The following PPFIBP1 variants were observed in gnomAD, a reference collection of about 807,000 sequenced individuals.
PPFIBP1 encodes PPFIB scaffold protein 1, also known as liprin-beta-1.
Under a neutral mutation model 137.8 loss-of-function variants are expected in PPFIBP1, and 112 were observed. The ratio of observed to expected loss-of-function variants is 0.81; its 90% confidence interval spans 0.70 to 0.95. The LOEUF is 0.95. Ranked by LOEUF, PPFIBP1 falls within the 40% of genes least tolerant of loss-of-function variation. PPFIBP1 has a pLI of 0.00. For synonymous variants in PPFIBP1, 378 were observed against 417.3 expected (o/e 0.91, Z 1.15); for missense variants, 1,083 against 1,196.6 (o/e 0.91, Z 1.40).
intron 2 of PPFIBP1, among the ~76,000 whole-genome samples, chr12:27,602,015 T>C (rs1464783414): frequency 3.3e-5 from 5 of 152,212 alleles, no homozygotes; most frequent in Non-Finnish European, 2.9e-5. Flanking sequence ...ACCTTATTAG[T>C]CAGGTGAACA....
chr12:27,687,474 A>T lies in PPFIBP1; in HGVS notation c.2337A>T (p.Glu779Asp). 6.2e-7 allele frequency: 1 copy of T among 1,613,962 alleles called. No individual in the cohort carries two copies. The highest frequency in any genetic ancestry group is 8.5e-7 in the Non-Finnish European group (1 of 1,179,874). ...AGGTCCTGAGGATCAATAACTTTGAACCAAACTGTCTACGGAGGCGGCCAT... is the reference window on the plus strand; with the variant it reads ...AGGTCCTGAGGATCAATAACTTTGATCCAAACTGTCTACGGAGGCGGCCAT... Reference protein sequence around the residue: ...AIQVLRINNFEPNCLRRRPSD... With the variant: ...AIQVLRINNFDPNCLRRRPSD... Residue 779 changes from glutamate to aspartate, a missense_variant, in exon 25 of 30, where the codon GAA (glutamate) becomes GAT (aspartate). Glu to Asp is a conservative substitution (Grantham distance 45). Coordinates refer to ENST00000228425, the MANE Select transcript of PPFIBP1 (RefSeq NM_003622.4).
chr12:27,612,342 T>TTTTC, intron 2 of PPFIBP1, among the ~76,000 whole-genome samples: 1 of 144,242 alleles, frequency 6.9e-6, no homozygotes, highest in African/African-American at 2.5e-5. Context: ...TTTTTTTTTT[T>TTTTC]TTTTTTTTTG....
chr12:27,616,427 C>A (rs760832877), intron 2 of PPFIBP1, among the ~76,000 whole-genome samples: 7 of 151,766 alleles, frequency 4.6e-5, no homozygotes, highest in Non-Finnish European at 8.8e-5. Flanking sequence ...AGGTGGCAGC[C>A]AGATTGGAGG....
chr12:27,653,607 AAGGAG>A (rs2059016840), intron 7 of PPFIBP1, among the ~76,000 whole-genome samples: 1 of 147,900 alleles, frequency 6.8e-6, no homozygotes, highest in Admixed American at 6.7e-5. Context: ...AAAAAAAAAA[AAGGAG>A]AGGGAGAGAG....
At chr12:27,579,535 G>T (rs1199516832) in intron 2 of PPFIBP1, among the ~76,000 whole-genome samples, 1 of 152,132 alleles carries the variant, frequency 6.6e-6, no homozygotes, top group African/African-American at 2.4e-5. Flanking sequence ...ATATTCTTTT[G>T]TGTCTAGCTT....
intron 11 of PPFIBP1, among the ~76,000 whole-genome samples, chr12:27,662,354 G>C (rs11049084): frequency 0.43 from 65,572 of 152,018 alleles, 14,379 homozygotes; most frequent in Non-Finnish European, 0.47. Flanking sequence ...ATACACCATG[G>C]TCTTGATTTA....
At chr12:27,609,328 G>C (rs1418225606) in intron 2 of PPFIBP1, among the ~76,000 whole-genome samples, 1 of 152,106 alleles carries the variant, frequency 6.6e-6, no homozygotes, top group African/African-American at 2.4e-5. Flanking sequence ...CTTTAGAAAT[G>C]GCATCCTCAT....
At position 27,646,050 on chromosome 12, in the gene PPFIBP1, T is replaced by C. The variant is rs760559833; in HGVS notation, c.271-12T>C. 8.9e-6 allele frequency: 14 copies of C among 1,574,720 alleles called. No homozygotes were observed. The highest frequency in any genetic ancestry group is 1.2e-5 in the Non-Finnish European group (14 of 1,145,870). On this transcript the variant is annotated splice_polypyrimidine_tract_variant and intron_variant, in intron 4 of 29. Coordinates refer to ENST00000228425, the MANE Select transcript of PPFIBP1 (RefSeq NM_003622.4). ...AGAAGATCAGCCTTACCCATATTACTTCCTTTTTCAGACAAATGGACACCT... is the reference window on the plus strand; with the variant it reads ...AGAAGATCAGCCTTACCCATATTACCTCCTTTTTCAGACAAATGGACACCT...
In PPFIBP1 at chr12:27,553,105, T is replaced by C. The variant is rs534011796; in HGVS notation, c.-123-25047T>C. Among the ~76,000 whole-genome samples the C allele has an allele frequency of 2.6e-5, 4 of 152,290 alleles. No homozygotes were observed. In the South Asian group the frequency reaches 8.3e-4, roughly 32 times the overall value. The stretch of plus-strand genomic sequence containing the variant: ...GACTAAAGTTTGGCCAGAAAAAGAA[T>C]CTTTGCTACATAACTCATTTGATAA... On this transcript the variant is annotated intron_variant, in intron 1 of 29. Coordinates refer to ENST00000228425, the MANE Select transcript of PPFIBP1 (RefSeq NM_003622.4).
rs147521685 is a variant in PPFIBP1, at chr12:27,652,743, A to G, written c.604-1979A>G. Reference sequence around the variant, plus strand: ...AAGCTGTAAAATACAATAGCAGATAAGAATTCAATGGTATTTCTTAGCAAT... The same window carrying G: ...AAGCTGTAAAATACAATAGCAGATAGGAATTCAATGGTATTTCTTAGCAAT... On this transcript the variant is annotated intron_variant, in intron 7 of 29. Coordinates refer to ENST00000228425, the MANE Select transcript of PPFIBP1 (RefSeq NM_003622.4). Among the ~76,000 whole-genome samples, 334 of 152,330 alleles carry G rather than the reference A, an allele frequency of 2.2e-3. 1 individual carries two copies. Among genetic ancestry groups the G allele is most frequent in the African/African-American group, 7.5e-3 (311 of 41,578 alleles).
At chr12:27,541,807 C>T (rs1351002272) in intron 1 of PPFIBP1, among the ~76,000 whole-genome samples, 1 of 152,192 alleles carries the variant, frequency 6.6e-6, no homozygotes, top group Admixed American at 6.5e-5. Context: ...GAAACCACCA[C>T]TCAATAGATG....
chr12:27,545,005 C>A (rs1946080255), intron 1 of PPFIBP1, among the ~76,000 whole-genome samples: 1 of 152,068 alleles, frequency 6.6e-6, no homozygotes, highest in South Asian at 2.1e-4. Flanking sequence ...CAATGATAGA[C>A]TAGATAAAGA....
Position 27,692,602 on chromosome 12 carries a change from A to G in PPFIBP1, c.2877A>G (p.Ser959=). 3 of 1,613,798 alleles carry G rather than the reference A, an allele frequency of 1.9e-6. No homozygotes were observed. The highest frequency in any genetic ancestry group is 2.5e-6 in the Non-Finnish European group (3 of 1,179,914). ...DLDRLEQMED[S]EGTVRQIGAF... is the part of the protein sequence containing the mutation. Reference sequence around the variant, plus strand: ...TTTGTTATTTGCAGATGGAAGATTCAGAAGGGACAGTGAGACAGATAGGTG... The same window carrying G: ...TTTGTTATTTGCAGATGGAAGATTCGGAAGGGACAGTGAGACAGATAGGTG... Residue 959 remains serine, a synonymous_variant, in exon 29 of 30, where the codon TCA becomes TCG. Coordinates refer to ENST00000228425, the MANE Select transcript of PPFIBP1 (RefSeq NM_003622.4).
intron 1 of PPFIBP1, among the ~76,000 whole-genome samples, chr12:27,534,288 GA>G (rs985769963): frequency 8.1e-5 from 12 of 147,928 alleles, no homozygotes; most frequent in East Asian, 7.9e-4. Context: ...AGGGGAAATG[GA>G]AAAAAAAAAG....
intron 1 of PPFIBP1, among the ~76,000 whole-genome samples, chr12:27,544,507 A>G (rs372264005): frequency 1.3e-5 from 2 of 152,328 alleles, no homozygotes; most frequent in African/African-American, 4.8e-5. Flanking sequence ...CAAAGGACTA[A>G]TATCTAGAAT....
At chr12:27,674,145 C>T (rs2140235538) in intron 16 of PPFIBP1, 47 bp from the exon 17 acceptor site, 1 of 1,463,378 alleles carries the variant, frequency 6.8e-7, no homozygotes, top group Non-Finnish European at 9.4e-7. Flanking sequence ...CAGAATTATA[C>T]AAAGGATTTC....
At chr12:27,529,753 A>C (rs1295038716) in intron 1 of PPFIBP1, among the ~76,000 whole-genome samples, 4 of 151,954 alleles carry the variant, frequency 2.6e-5, no homozygotes, top group African/African-American at 9.7e-5. Context: ...TAATAGCTGA[A>C]CTCTTAAGAA....
Position 27,551,331 on chromosome 12 carries a change from C to G in PPFIBP1, c.-123-26821C>G, listed in dbSNP as rs191307249. ...TGTCCATCTCTCTATCGCAGGCCAC[C>G]GTGCTGCTAAAAATAATCATGGTTG... On this transcript the variant is annotated intron_variant, in intron 1 of 29. Coordinates refer to ENST00000228425, the MANE Select transcript of PPFIBP1 (RefSeq NM_003622.4). 2.0e-4 allele frequency among the ~76,000 whole-genome samples: 30 copies of G among 152,192 alleles called. 2 individuals carry two copies. In the East Asian group the frequency reaches 3.7e-3, roughly 19 times the overall value.
chr12:27,617,142 C>T (rs1049904888), intron 2 of PPFIBP1, among the ~76,000 whole-genome samples: 28 of 152,236 alleles, frequency 1.8e-4, no homozygotes, highest in African/African-American at 6.0e-4. Context: ...GAAGATAATT[C>T]AAAGACATCC....
Sources: allele counts gnomAD v4.1 joint callset (sites outside exome capture counted in the v4.1 genomes callset), GRCh38; gene constraint gnomAD v4.1.1; transcripts MANE v1.5; gene names NCBI Gene and HGNC (gene_info 2026-07-23, HGNC 2026-07-21).